TMEM54: variants seen among roughly 807,000 people sequenced by gnomAD.
The protein encoded by TMEM54 is transmembrane protein 54, also known as beta-casein-like protein.
TMEM54 carries 21 observed loss-of-function variants against 21.3 expected under a neutral mutation model. That is an observed-to-expected ratio of 0.99 (90% CI 0.70 to 1.42). The LOEUF (loss-of-function observed/expected upper bound fraction) is 1.42. Ranked by LOEUF, TMEM54 falls within the 40% of genes most tolerant of loss-of-function variation. The pLI is 0.00. For synonymous variants in TMEM54, 109 were observed against 125.0 expected (o/e 0.87, Z 0.86); for missense variants, 246 against 294.0 (o/e 0.84, Z 1.19).
intron 1 of TMEM54, among the ~76,000 whole-genome samples, chr1:32,899,262 C>T (rs1362819211): frequency 6.6e-6 from 1 of 152,070 alleles, no homozygotes; most frequent in East Asian, 1.9e-4. Flanking sequence ...TGGTCAGGCC[C>T]TAGAACTAAA....
rs1570028050 is a variant in TMEM54 at position 32,894,613 on chromosome 1, T to C, written c.*192A>G. ...CCAAATGGAGCATCTCTGTTCTTTT[T>C]AATAATTTCAGAATAAAGTCTCATT... On this transcript the variant is annotated 3_prime_UTR_variant, in exon 6 of 6. Coordinates refer to ENST00000373463, the MANE Select transcript of TMEM54 (RefSeq NM_033504.4). 1.4e-6 allele frequency: 1 copy of C among 715,810 alleles called. No individual in the cohort carries two copies. The highest frequency in any genetic ancestry group is 2.8e-5 in the East Asian group (1 of 36,228). The allele number at this position is 715,810 out of a possible 1,614,324, so 44.3% of individuals were successfully genotyped here.
At position 32,895,264 on chromosome 1, in the gene TMEM54, C is replaced by T. The variant is rs373374840; in HGVS notation, c.594+41G>A. On this transcript the variant is annotated intron_variant, in intron 5 of 5. Coordinates refer to ENST00000373463, the MANE Select transcript of TMEM54 (RefSeq NM_033504.4). The surrounding 1 kb of genome is among the most constrained non-coding windows in gnomAD (Gnocchi z 5.8). ...CAGCTTGGGCACCCTGGCAGGGGCTCCCAGGAAATTCGGGGAGTCAGGGCT... is the reference window on the plus strand; with the variant it reads ...CAGCTTGGGCACCCTGGCAGGGGCTTCCAGGAAATTCGGGGAGTCAGGGCT... 1.9e-6 allele frequency: 3 copies of T among 1,578,172 alleles called. No individual in the cohort carries two copies. The African/African-American group carries it at 4.0e-5, about 21-fold the overall frequency.
chr1:32,896,265 G>A lies in TMEM54; in HGVS notation c.211-296C>T, dbSNP rs1557545680. 6.3e-6 allele frequency: 2 copies of A among 315,000 alleles called. No homozygotes were observed. Among genetic ancestry groups the A allele is most frequent in the Admixed American group, 4.8e-5 (1 of 20,930 alleles). 19.5% of individuals were successfully genotyped at this position (315,000 alleles called of 1,614,324 possible). ...CCTGGGGCCACCGGGGCATGCCAGG[G>A]TATGCATGGGACACCCCTTTCTGGA... On this transcript the variant is annotated intron_variant, in intron 2 of 5. Transcript: ENST00000373463. This position sits in a 1 kb window ranked among gnomAD's most constrained non-coding sequence, Gnocchi z 4.1.
At chr1:32,898,097 C>A (rs758555945) in intron 2 of TMEM54, 29 bp downstream of exon 2, 5 of 1,573,262 alleles carry the variant, frequency 3.2e-6, no homozygotes, top group Non-Finnish European at 3.5e-6. Context: ...AGCCTCCTCC[C>A]ACCAACCACC....
At position 32,896,077 on chromosome 1, in the gene TMEM54, C is replaced by G; in HGVS notation, c.211-108G>C. ...TCTCACCGGCGCCAACCATTGCCCT[C>G]CAGACTCCCCCACCCCTCACCTGCT... On this transcript the variant is annotated intron_variant, in intron 2 of 5. Coordinates refer to ENST00000373463, the MANE Select transcript of TMEM54 (RefSeq NM_033504.4). The surrounding 1 kb of genome is among the most constrained non-coding windows in gnomAD (Gnocchi z 4.1). The G allele has an allele frequency of 1.7e-6, 2 of 1,179,066 alleles. No individual in the cohort carries two copies. 73.0% of individuals were successfully genotyped at this position (1,179,066 alleles called of 1,614,324 possible). A position where few individuals can be genotyped will look rare whatever the true frequency, so the allele number is the denominator to read the frequency against.
Position 32,895,877 on chromosome 1 carries a change from C to A in TMEM54, c.270+33G>T. The A allele has an allele frequency of 1.2e-6, 2 of 1,603,756 alleles. No homozygotes were observed. The highest frequency in any genetic ancestry group is 8.5e-7 in the Non-Finnish European group (1 of 1,175,186). Reference sequence around the variant, plus strand: ...CGGGTGGCTGCTGCCCCTACCCTTCCCTCACAGCCCCATCCCAGGAGGCAC... The same window carrying A: ...CGGGTGGCTGCTGCCCCTACCCTTCACTCACAGCCCCATCCCAGGAGGCAC... On this transcript the variant is annotated intron_variant, in intron 3 of 5. Coordinates refer to ENST00000373463, the MANE Select transcript of TMEM54 (RefSeq NM_033504.4). This position sits in a 1 kb window ranked among gnomAD's most constrained non-coding sequence, Gnocchi z 5.8.
At position 32,894,599 on chromosome 1, in the gene TMEM54, A is replaced by C; in HGVS notation, c.*206T>G. 2.3e-5 allele frequency: 12 copies of C among 522,440 alleles called. No homozygotes were observed. Among genetic ancestry groups the C allele is most frequent in the Admixed American group, 1.0e-4 (3 of 29,662 alleles). The allele number at this position is 522,440 out of a possible 1,614,324, so 32.4% of individuals were successfully genotyped here. ...CCCCCTGCATGCAGCCAAATGGAGC[A>C]TCTCTGTTCTTTTTAATAATTTCAG... On this transcript the variant is annotated 3_prime_UTR_variant, in exon 6 of 6. Transcript: ENST00000373463.
rs530356906 is a variant in TMEM54 at position 32,897,351 on chromosome 1, C to T, written c.210+775G>A. ...GGGATGGAACTCAGACACTGATGTG[C>T]GGGAGGATCTTCCCCCGAGGCTGTG... On this transcript the variant is annotated intron_variant, in intron 2 of 5. Coordinates refer to ENST00000373463, the MANE Select transcript of TMEM54 (RefSeq NM_033504.4). The surrounding 1 kb of genome is among the most constrained non-coding windows in gnomAD (Gnocchi z 4.9). Among the ~76,000 whole-genome samples the T allele has an allele frequency of 6.6e-6, 1 of 152,148 alleles. No homozygotes were observed. The highest frequency in any genetic ancestry group is 2.4e-5 in the African/African-American group (1 of 41,426).
rs1241088388 is a variant in TMEM54 at position 32,895,639 on chromosome 1, C to T, written c.375G>A (p.Lys125=). ...SIAMTFATQG[K]ALLAACTFGS... ...CAAAAGTGCAGGCAGCCAGCAGTGC[C>T]TTGCCCTGGGTGGCAAAGGTCATGG... Residue 125 remains lysine (K), a synonymous_variant, in exon 4 of 6, where the codon AAG becomes AAA. Coordinates refer to ENST00000373463, the MANE Select transcript of TMEM54 (RefSeq NM_033504.4). This position sits in a 1 kb window ranked among gnomAD's most constrained non-coding sequence, Gnocchi z 5.8. 1.9e-6 allele frequency: 3 copies of T among 1,566,322 alleles called. No homozygotes were observed. The highest frequency in any genetic ancestry group is 2.6e-6 in the Non-Finnish European group (3 of 1,155,136).
Position 32,898,125 on chromosome 1 carries a change from C to T in TMEM54, c.210+1G>A. The stretch of plus-strand genomic sequence containing the variant: ...CAACCACCCTCCCAGCCTGGCCATA[C>T]CACGATGGCGGAAGTGACAGAGAGG... On this transcript the variant is annotated splice_donor_variant, in intron 2 of 5. Transcript: ENST00000373463. LOFTEE classifies it high-confidence loss of function. 8 of 1,591,074 alleles carry T rather than the reference C, an allele frequency of 5.0e-6. No individual in the cohort carries two copies. The highest frequency in any genetic ancestry group is 6.9e-6 in the Non-Finnish European group (8 of 1,161,070).
rs375715378 is a variant in TMEM54, at chr1:32,895,958, T to C, written c.222A>G (p.Ser74=). 29 of 1,613,156 alleles carry C rather than the reference T, an allele frequency of 1.8e-5. No homozygotes were observed. Among genetic ancestry groups the C allele is most frequent in the African/African-American group, 9.3e-5 (7 of 74,908 alleles). ...GTGACAACACGATGGCTGCGATGCCTGAAGTGATGACCTGTAGGGAAGGCT... is the reference window on the plus strand; with the variant it reads ...GTGACAACACGATGGCTGCGATGCCCGAAGTGATGACCTGTAGGGAAGGCT... ...SVTSAIVVIT[S]GIAAIVLSRY... The change falls in exon 3 of 6, where the codon TCA becomes TCG. Residue 74 remains serine (S), a synonymous_variant. Transcript: ENST00000373463. The surrounding 1 kb of genome is among the most constrained non-coding windows in gnomAD (Gnocchi z 5.8).
intron 1 of TMEM54, among the ~76,000 whole-genome samples, chr1:32,899,391 GA>G (rs11284140): frequency 0.68 from 83,505 of 122,804 alleles, 26,727 homozygotes; most frequent in South Asian, 0.7. Flanking sequence ...CTCTGCAGCT[GA>G]AAAAAAAAAA....
At chr1:32,900,161 C>T (rs574907042) in intron 1 of TMEM54, among the ~76,000 whole-genome samples, 2 of 152,352 alleles carry the variant, frequency 1.3e-5, no homozygotes, top group African/African-American at 4.8e-5. Flanking sequence ...AGGACCAAGA[C>T]TTTGGTCAAA....
In TMEM54 at chr1:32,895,451, G is replaced by A; in HGVS notation, c.460-12C>T. 6.2e-7 allele frequency: 1 copy of A among 1,607,028 alleles called. No homozygotes were observed. Among genetic ancestry groups the A allele is most frequent in the Non-Finnish European group, 8.5e-7 (1 of 1,174,800 alleles). Reference sequence around the variant, plus strand: ...CACAGGCTGGAGCTCTGCGGGGCATGGGGCAGAGATGGCTGGCTGGAGTTG... The same window carrying A: ...CACAGGCTGGAGCTCTGCGGGGCATAGGGCAGAGATGGCTGGCTGGAGTTG... On this transcript the variant is annotated splice_polypyrimidine_tract_variant and intron_variant, in intron 4 of 5. Coordinates refer to ENST00000373463, the MANE Select transcript of TMEM54 (RefSeq NM_033504.4). This position sits in a 1 kb window ranked among gnomAD's most constrained non-coding sequence, Gnocchi z 5.8.
Position 32,895,040 on chromosome 1 carries a change from A to G in TMEM54, c.595-161T>C, listed in dbSNP as rs1056306231. 20 of 948,682 alleles carry G rather than the reference A, an allele frequency of 2.1e-5. No individual in the cohort carries two copies. The African/African-American group carries it at 3.0e-4, about 14-fold the overall frequency. 58.8% of individuals were successfully genotyped at this position (948,682 alleles called of 1,614,324 possible). A position where few individuals can be genotyped will look rare whatever the true frequency, so the allele number is the denominator to read the frequency against. ...GCAAGAGCCAGGCCTGACCTTTGCA[A>G]TGCCCTCAGTGCGAGCCCAGACACC... On this transcript the variant is annotated intron_variant, in intron 5 of 5. Coordinates refer to ENST00000373463, the MANE Select transcript of TMEM54 (RefSeq NM_033504.4). The surrounding 1 kb of genome is among the most constrained non-coding windows in gnomAD (Gnocchi z 5.8).
intron 1 of TMEM54, among the ~76,000 whole-genome samples, chr1:32,899,046 G>C (rs1641664883): frequency 1.3e-5 from 2 of 152,294 alleles, no homozygotes; most frequent in African/African-American, 4.8e-5. Flanking sequence ...TGGAGTGAGT[G>C]GGGGAAGCTG....
In TMEM54 at chr1:32,894,976, G is replaced by C. The variant is rs879412084; in HGVS notation, c.595-97C>G. ...AATGGAAGGAGGTGAGGGCTGGAAG[G>C]CTCTCTGGGGGCAAAGGGGCATCAC... is the stretch of plus-strand genomic sequence containing the variant. On this transcript the variant is annotated intron_variant, in intron 5 of 5. Coordinates refer to ENST00000373463, the MANE Select transcript of TMEM54 (RefSeq NM_033504.4). 3.8e-5 allele frequency: 58 copies of C among 1,525,818 alleles called. 2 individuals are homozygous for C. The Middle Eastern group carries it at 7.8e-4, about 21-fold the overall frequency. The allele number at this position is 1,525,818 out of a possible 1,614,324, so 94.5% of individuals were successfully genotyped here.
At chr1:32,899,813 A>G (rs950004822) in intron 1 of TMEM54, among the ~76,000 whole-genome samples, 1 of 152,192 alleles carries the variant, frequency 6.6e-6, no homozygotes, top group African/African-American at 2.4e-5. Flanking sequence ...TCAGTCACAG[A>G]CTTGCTGTGT....
Position 32,901,298 on chromosome 1 carries a change from C to A in TMEM54, c.-60G>T. The A allele has an allele frequency of 7.8e-7, 1 of 1,288,676 alleles. No individual in the cohort carries two copies. Among genetic ancestry groups the A allele is most frequent in the Non-Finnish European group, 9.9e-7 (1 of 1,012,574 alleles). 79.8% of individuals were successfully genotyped at this position (1,288,676 alleles called of 1,614,324 possible). On this transcript the variant is annotated 5_prime_UTR_variant, in exon 1 of 6. Coordinates refer to ENST00000373463, the MANE Select transcript of TMEM54 (RefSeq NM_033504.4). This position sits in a 1 kb window ranked among gnomAD's most constrained non-coding sequence, Gnocchi z 4.2. Reference sequence around the variant, plus strand: ...CGCGGCTCCCGAGGCTGCGGGCCGCCGGGGGACCCTGCTCCCATCCCGCTG... The same window carrying A: ...CGCGGCTCCCGAGGCTGCGGGCCGCAGGGGGACCCTGCTCCCATCCCGCTG...
Sources: gnomAD v4.1 joint callset for allele counts (sites outside exome capture counted in the v4.1 genomes callset) on GRCh38, gnomAD v4.1.1 for gene constraint, Gnocchi (gnomAD v3.1) non-coding constraint, MANE v1.5 for transcripts, NCBI Gene and HGNC (gene_info 2026-07-23, HGNC 2026-07-21) for gene names.